Variants in ITGA9 observed in about 807,000 individuals in gnomAD.
The protein encoded by ITGA9 is integrin alpha-9.
ITGA9 carries 56 observed loss-of-function variants against 127.8 expected under a neutral mutation model. The ratio of observed to expected loss-of-function variants is 0.44; its 90% CI spans 0.35 to 0.55. The LOEUF is 0.55. Ranked by LOEUF, ITGA9 falls within the 20% of genes least tolerant of loss-of-function variation. ITGA9 has a pLI of 0.00. For missense variants in ITGA9, 1,196 were observed against 1,347.1 expected (o/e 0.89, Z 1.76); for synonymous variants, 508 against 514.5 (o/e 0.99, Z 0.17).
intron 16 of ITGA9, among the ~76,000 whole-genome samples, chr3:37,632,209 C>T (rs1700236235): frequency 2.0e-5 from 3 of 152,148 alleles, no homozygotes; most frequent in Admixed American, 1.3e-4. Flanking sequence ...AAAAATGCAA[C>T]ACCTTAATGT....
intron 16 of ITGA9, among the ~76,000 whole-genome samples, chr3:37,651,034 G>C (rs1700424587): frequency 2.0e-5 from 3 of 152,118 alleles, no homozygotes; most frequent in African/African-American, 7.2e-5. Context: ...TTCTTAACTA[G>C]TATTTTATCT....
chr3:37,756,154 G>A, intron 23 of ITGA9, among the ~76,000 whole-genome samples: 1 of 120,198 alleles, frequency 8.3e-6, no homozygotes, highest in Non-Finnish European at 1.7e-5. Flanking sequence ...AGAATGTAAG[G>A]CATTCAAAAA....
chr3:37,656,951 G>A (rs538625315), intron 17 of ITGA9, among the ~76,000 whole-genome samples: 81 of 151,926 alleles, frequency 5.3e-4, no homozygotes, highest in Non-Finnish European at 9.6e-4. Context: ...AGATAATCAT[G>A]TGTTTTTTTT....
At position 37,735,588 on chromosome 3, in the gene ITGA9, C is replaced by A. The variant is rs187212199; in HGVS notation, c.2155-1316C>A. Among the ~76,000 whole-genome samples the A allele has an allele frequency of 2.8e-3, 431 of 152,272 alleles. 3 individuals carry two copies. Among genetic ancestry groups the A allele is most frequent in the Middle Eastern group, 0.014 (4 of 294 alleles). On this transcript the variant is annotated intron_variant, in intron 19 of 27. Transcript: ENST00000264741. Reference sequence around the variant, plus strand: ...AAATTTAAGAACCGTTTTGTCCAACCTCCTTTTTTTATTGAAATGCAAAGA... The same window carrying A: ...AAATTTAAGAACCGTTTTGTCCAACATCCTTTTTTTATTGAAATGCAAAGA...
At chr3:37,547,573 CAGAT>C (rs934474230) in intron 15 of ITGA9, among the ~76,000 whole-genome samples, 10 of 150,870 alleles carry the variant, frequency 6.6e-5, no homozygotes, top group Admixed American at 2.0e-4. Flanking sequence ...GTTTAAGAAA[CAGAT>C]AGTTAAGAAA....
intron 27 of ITGA9, among the ~76,000 whole-genome samples, chr3:37,813,750 T>C (rs1005227084): frequency 4.1e-4 from 62 of 152,260 alleles, no homozygotes; most frequent in African/African-American, 1.4e-3. Context: ...GTTACATGAG[T>C]TAAGAGTCCT....
intron 11 of ITGA9, among the ~76,000 whole-genome samples, 158 bp downstream of exon 11, chr3:37,519,512 T>C (rs1314548633): frequency 1.3e-5 from 2 of 152,238 alleles, no homozygotes; most frequent in Admixed American, 1.3e-4. Flanking sequence ...TAATATTGCT[T>C]ATTAAATACT....
At chr3:37,601,641 G>A (rs771156447) in intron 15 of ITGA9, among the ~76,000 whole-genome samples, 3 of 152,146 alleles carry the variant, frequency 2.0e-5, no homozygotes, top group Non-Finnish European at 2.9e-5. Flanking sequence ...TGGCTTCCAC[G>A]CCTCATCAAC....
intron 15 of ITGA9, among the ~76,000 whole-genome samples, chr3:37,619,058 C>T (rs1408937734): frequency 1.3e-5 from 2 of 152,192 alleles, no homozygotes; most frequent in African/African-American, 4.8e-5. Context: ...GTCACTCATG[C>T]TGGGAGCAGT....
At chr3:37,521,628 T>G (rs150990554) in intron 11 of ITGA9, among the ~76,000 whole-genome samples, 3 of 152,290 alleles carry the variant, frequency 2.0e-5, no homozygotes, top group African/African-American at 7.2e-5. Flanking sequence ...CCTGCAGATG[T>G]CTGTGGGATA....
At chr3:37,515,643 G>A (rs1375232365) in intron 9 of ITGA9, among the ~76,000 whole-genome samples, 1 of 152,220 alleles carries the variant, frequency 6.6e-6, no homozygotes, top group African/African-American at 2.4e-5. Context: ...GGCTGAGGTG[G>A]GAGGATTGTT....
chr3:37,560,900 C>T (rs1699480515), intron 15 of ITGA9, among the ~76,000 whole-genome samples: 3 of 152,166 alleles, frequency 2.0e-5, no homozygotes, highest in Admixed American at 2.0e-4. Context: ...TTTGGTTTCT[C>T]CTGAGGCCTC....
chr3:37,712,695 G>A (rs1362970901), intron 18 of ITGA9, among the ~76,000 whole-genome samples: 3 of 152,108 alleles, frequency 2.0e-5, no homozygotes, highest in Admixed American at 6.5e-5. Context: ...CTTCAGGGTG[G>A]CAAAATGGTT....
In ITGA9 at chr3:37,512,069, TTTCTTTCCTTCC is replaced by T. The variant is rs1359796749; in HGVS notation, c.898-1690_898-1679del. Among the ~76,000 whole-genome samples the T allele has an allele frequency of 1.2e-3, 74 of 60,706 alleles. 4 individuals carry two copies. Among genetic ancestry groups the T allele is most frequent in the South Asian group, 3.6e-3 (6 of 1,656 alleles). The allele number at this position is 60,706 out of a possible 152,430, so 39.8% of individuals were successfully genotyped here. A position where few individuals can be genotyped will look rare whatever the true frequency, so the allele number is the denominator to read the frequency against. On this transcript the variant is annotated intron_variant, in intron 8 of 27. Coordinates refer to ENST00000264741, the MANE Select transcript of ITGA9 (RefSeq NM_002207.3). ...CTTTCTTTCTTTCTTTCTTTCTTTC[TTTCTTTCCTTCC>T]TTCCTTCCTTCCTTCCTTCCTTCCT...
Position 37,780,041 on chromosome 3 carries a change from A to G in ITGA9, c.2787+20A>G, listed in dbSNP as rs1437729469. 2 of 1,613,338 alleles carry G rather than the reference A, an allele frequency of 1.2e-6. No individual in the cohort carries two copies. Among genetic ancestry groups the G allele is most frequent in the Non-Finnish European group, 1.7e-6 (2 of 1,179,648 alleles). On this transcript the variant is annotated intron_variant, in intron 25 of 27. Coordinates refer to ENST00000264741, the MANE Select transcript of ITGA9 (RefSeq NM_002207.3). ...AAAAAGGTAAGCCCTAATGAACCGC[A>G]CTTGTGGATGCATTTAGAAGCATTT...
intron 26 of ITGA9, among the ~76,000 whole-genome samples, chr3:37,800,934 TGAGGCCAGGAGTTC>T (rs1176260466): frequency 1.2e-4 from 18 of 152,044 alleles, no homozygotes; most frequent in Non-Finnish European, 2.1e-4. Context: ...GTGGATCACC[TGAGGCCAGGAGTTC>T]GAGGCCAGGA....
intron 15 of ITGA9, among the ~76,000 whole-genome samples, chr3:37,593,420 T>A (rs544172828): frequency 1.3e-5 from 2 of 152,344 alleles, no homozygotes; most frequent in East Asian, 3.9e-4. Context: ...ATTGGGTGGG[T>A]TACACAACAG....
At chr3:37,764,466 T>TGAAAA (rs749362710) in intron 23 of ITGA9, among the ~76,000 whole-genome samples, 1 of 74,656 alleles carries the variant, frequency 1.3e-5, no homozygotes, top group Non-Finnish European at 2.4e-5. Context: ...AGATTCTCAG[T>TGAAAA]AAAAAAAAAA....
intron 15 of ITGA9, among the ~76,000 whole-genome samples, chr3:37,558,499 A>T (rs1699452932): frequency 6.6e-6 from 1 of 152,120 alleles, no homozygotes; most frequent in Non-Finnish European, 1.5e-5. Flanking sequence ...GTTTCTACAC[A>T]CATCAGTGAT....
Sources: allele counts gnomAD v4.1 joint callset (sites outside exome capture counted in the v4.1 genomes callset), GRCh38; gene constraint gnomAD v4.1.1; transcripts MANE v1.5; gene names NCBI Gene and HGNC (gene_info 2026-07-23, HGNC 2026-07-21).